The following GRIN3A variants were observed in gnomAD, a reference collection of about 807,000 sequenced individuals.
The protein encoded by GRIN3A is glutamate receptor ionotropic, NMDA 3A.
Under a neutral mutation model 92.4 loss-of-function variants are expected in GRIN3A, and 47 were observed. The ratio of observed to expected loss-of-function variants is 0.51; its 90% CI spans 0.40 to 0.65. The LOEUF is 0.65. Ranked by LOEUF, GRIN3A falls within the 30% of genes least tolerant of loss-of-function variation. The probability of loss-of-function intolerance (pLI) is 0.00; values close to 1 mark genes in which losing one functional copy is unlikely to be tolerated. For missense variants in GRIN3A, 1,324 were observed against 1,393.1 expected, an observed-to-expected ratio of 0.95 and a Z score of 0.79; for synonymous variants, 527 against 540.6, an observed-to-expected ratio of 0.97 and a Z score of 0.35.
intron 3 of GRIN3A, among the ~76,000 whole-genome samples, chr9:101,644,546 G>T (rs1335395646): frequency 6.7e-6 from 1 of 150,326 alleles, no homozygotes; most frequent in African/African-American, 2.4e-5. Context: ...CTGAATATTT[G>T]TATCAATGTT....
chr9:101,686,596 C>T lies in GRIN3A; in HGVS notation c.1304G>A (p.Arg435Lys). 6.2e-7 allele frequency: 1 copy of T among 1,614,144 alleles called. No homozygotes were observed. Among genetic ancestry groups the T allele is most frequent in the East Asian group, 2.2e-5 (1 of 44,880 alleles). ...ATATAACCGAGACCTTGCATCCTAC[C>T]TTGATAAATATTGTCCTGAAGTGAG... ...TNLTSGQYLS[R>K]FLANTTFRGL... The change falls in exon 2 of 9, where the codon AGG (arginine) becomes AAG (lysine). Residue 435 changes from arginine (R) to lysine (K), a missense_variant and splice_region_variant. Arg to Lys is a conservative substitution (Grantham distance 26, BLOSUM62 2). Transcript: ENST00000361820.
intron 3 of GRIN3A, among the ~76,000 whole-genome samples, chr9:101,646,940 A>G (rs1398117872): frequency 1.3e-5 from 2 of 151,840 alleles, no homozygotes; most frequent in Non-Finnish European, 2.9e-5. Context: ...AAATCTGTGA[A>G]AAAGGATAAT....
At chr9:101,717,552 C>G (rs1439379916) in intron 1 of GRIN3A, among the ~76,000 whole-genome samples, 1 of 152,196 alleles carries the variant, frequency 6.6e-6, no homozygotes, top group Non-Finnish European at 1.5e-5. Flanking sequence ...CTTGGCTAAT[C>G]TTACCAAGAT....
At chr9:101,659,057 A>T (rs903425864) in intron 3 of GRIN3A, among the ~76,000 whole-genome samples, 3 of 151,910 alleles carry the variant, frequency 2.0e-5, no homozygotes, top group Admixed American at 6.6e-5. Context: ...TATATTTTAG[A>T]CACAAAAGGA....
chr9:101,678,677 A>G (rs1215378380), intron 2 of GRIN3A, among the ~76,000 whole-genome samples: 1 of 152,166 alleles, frequency 6.6e-6, no homozygotes, highest in African/African-American at 2.4e-5. Flanking sequence ...TTCACCAAGA[A>G]GAGAACAATA....
chr9:101,737,900 C>A lies in GRIN3A; in HGVS notation c.80G>T (p.Gly27Val). 6.5e-7 allele frequency: 1 copy of A among 1,534,860 alleles called. No homozygotes were observed. Among genetic ancestry groups the A allele is most frequent in the Non-Finnish European group, 8.7e-7 (1 of 1,146,866 alleles). The change falls in exon 1 of 9, where the codon GGG (glycine) becomes GTG (valine). Residue 27 changes from glycine (G) to valine (V), a missense_variant. Gly to Val is a moderately radical substitution (Grantham distance 109). Transcript: ENST00000361820. Reference sequence around the variant, plus strand: ...CGGGTGCGAGGAGGAGCTGGGCACCCCGGCCAGCACCAGTGCGCAGGGCGG... The same window carrying A: ...CGGGTGCGAGGAGGAGCTGGGCACCACGGCCAGCACCAGTGCGCAGGGCGG... Reference protein sequence around the residue: ...LPPPCALVLAGVPSSSSHPQP... With the variant: ...LPPPCALVLAVVPSSSSHPQP...
chr9:101,700,303 T>A (rs1294853108), intron 1 of GRIN3A, among the ~76,000 whole-genome samples: 1 of 152,178 alleles, frequency 6.6e-6, no homozygotes, highest in Non-Finnish European at 1.5e-5. Flanking sequence ...TATGTCTATT[T>A]TTTATGAGTC....
chr9:101,671,654 C>T (rs1829326735), intron 2 of GRIN3A, among the ~76,000 whole-genome samples: 1 of 152,096 alleles, frequency 6.6e-6, no homozygotes. Flanking sequence ...ATCTTGTTAC[C>T]AATGTTTCTT....
intron 3 of GRIN3A, among the ~76,000 whole-genome samples, chr9:101,638,926 A>G (rs536136454): frequency 1.4e-4 from 21 of 152,306 alleles, no homozygotes; most frequent in African/African-American, 4.8e-4. Context: ...TAGGAGTTTA[A>G]CTAGCCCATA....
In GRIN3A at chr9:101,737,872, C is replaced by T; in HGVS notation, c.108G>A (p.Gln36=). ...AGVPSSSSHP[Q]PCQILKRIGH... Reference sequence around the variant, plus strand: ...CGATGCGCTTGAGGATCTGGCAGGGCTGCGGGTGCGAGGAGGAGCTGGGCA... The same window carrying T: ...CGATGCGCTTGAGGATCTGGCAGGGTTGCGGGTGCGAGGAGGAGCTGGGCA... The change falls in exon 1 of 9, where the codon CAG becomes CAA. Residue 36 remains glutamine (Q), a synonymous_variant. Coordinates refer to ENST00000361820, the MANE Select transcript of GRIN3A (RefSeq NM_133445.3). 2.6e-6 allele frequency: 4 copies of T among 1,534,088 alleles called. No homozygotes were observed. The highest frequency in any genetic ancestry group is 2.4e-5 in the South Asian group (2 of 83,972).
chr9:101,635,940 G>T (rs868224906), intron 3 of GRIN3A, among the ~76,000 whole-genome samples: 13 of 152,134 alleles, frequency 8.5e-5, no homozygotes, highest in African/African-American at 2.7e-4. Flanking sequence ...GCCCAGGCTG[G>T]AGTGCACGAT....
chr9:101,625,132 C>T (rs182501640), intron 4 of GRIN3A, among the ~76,000 whole-genome samples: 7 of 152,102 alleles, frequency 4.6e-5, no homozygotes, highest in African/African-American at 1.4e-4. Context: ...CTATCTCATG[C>T]GATGACTACC....
chr9:101,656,680 G>T (rs1349219492), intron 3 of GRIN3A, among the ~76,000 whole-genome samples: 1 of 151,904 alleles, frequency 6.6e-6, no homozygotes, highest in African/African-American at 2.4e-5. Context: ...TCCTGGAGTT[G>T]CCAGAACTGC....
rs754003481 is a variant in GRIN3A, at chr9:101,614,609, CTTTTTTTTTT to C, written c.2615-1092_2615-1083del. On this transcript the variant is annotated intron_variant, in intron 5 of 8. Transcript: ENST00000361820. ...CATATATATGCATATATATGTGATA[CTTTTTTTTTT>C]TTTTTTTTTTTTTTTTTGGAGACAG... is the stretch of plus-strand genomic sequence containing the variant. Among the ~76,000 whole-genome samples, 46 of 83,070 alleles carry C rather than the reference CTTTTTTTTTT, an allele frequency of 5.5e-4. 2 individuals carry two copies. The highest frequency in any genetic ancestry group is 3.4e-4 in the Non-Finnish European group (15 of 43,838). The allele number at this position is 83,070 out of a possible 152,430, so 54.5% of individuals were successfully genotyped here. A position where few individuals can be genotyped will look rare whatever the true frequency, so the allele number is the denominator to read the frequency against.
intron 1 of GRIN3A, among the ~76,000 whole-genome samples, chr9:101,692,371 A>G (rs1829630930): frequency 6.6e-6 from 1 of 152,178 alleles, no homozygotes; most frequent in African/African-American, 2.4e-5. Context: ...ATCCCTCATC[A>G]GTCTTTGTTC....
chr9:101,693,042 CTTTAATAGA>C (rs1332540902), intron 1 of GRIN3A, among the ~76,000 whole-genome samples: 1 of 151,970 alleles, frequency 6.6e-6, no homozygotes, highest in Non-Finnish European at 1.5e-5. Flanking sequence ...GATCATCCCC[CTTTAATAGA>C]AGACAAAATC....
chr9:101,603,522 T>C (rs1828237406), intron 6 of GRIN3A, among the ~76,000 whole-genome samples: 1 of 152,170 alleles, frequency 6.6e-6, no homozygotes, highest in South Asian at 2.1e-4. Context: ...CAAATCCTGG[T>C]ATGTTGCTCC....
intron 6 of GRIN3A, among the ~76,000 whole-genome samples, chr9:101,589,043 T>C (rs1827986759): frequency 6.6e-6 from 1 of 152,204 alleles, no homozygotes; most frequent in African/African-American, 2.4e-5. Context: ...CGATCTCAAC[T>C]CACTGCAACC....
At chr9:101,594,744 C>G in intron 6 of GRIN3A, 1 of 1,614,142 alleles carries the variant, frequency 6.2e-7, no homozygotes, top group Non-Finnish European at 8.5e-7. Context: ...TCGAAGACGT[C>G]GATCACTCGC....
Sources: allele counts gnomAD v4.1 joint callset (sites outside exome capture counted in the v4.1 genomes callset), GRCh38; gene constraint gnomAD v4.1.1; transcripts MANE v1.5; gene names NCBI Gene and HGNC (gene_info 2026-07-23, HGNC 2026-07-21).